Variants in ATAD2 observed in about 807,000 individuals in gnomAD.
ATAD2 encodes ATPase family AAA domain-containing protein 2.
A neutral mutation model predicts 168.9 loss-of-function variants in ATAD2; 62 were observed. The ratio of observed to expected loss-of-function variants is 0.37; its 90% CI spans 0.30 to 0.45. The LOEUF (loss-of-function observed/expected upper bound fraction) is 0.45. Among genes scored for constraint, ATAD2 ranks in the 20% least tolerant of loss-of-function variants. The probability of loss-of-function intolerance (pLI) is 1.00; values close to 1 mark genes in which losing one functional copy is unlikely to be tolerated. For missense variants in ATAD2, 1,419 were observed against 1,667.8 expected (o/e 0.85, Z 2.60); for synonymous variants, 613 against 571.6 (o/e 1.07, Z -1.03).
At chr8:123,397,788 G>C (rs1812924303), upstream of ATAD2, among the ~76,000 whole-genome samples, 1 of 152,104 alleles carries the variant, frequency 6.6e-6, no homozygotes, top group South Asian at 2.1e-4. Flanking sequence ...AAGCATTACA[G>C]AGAAATATAA....
intron 2 of ATAD2, among the ~76,000 whole-genome samples, chr8:123,376,083 C>A (rs541951808): frequency 6.7e-6 from 1 of 149,412 alleles, no homozygotes; most frequent in Non-Finnish European, 1.5e-5. Context: ...CCAGCCTGGG[C>A]GACAGAGCAA....
In ATAD2 at chr8:123,336,373, C is replaced by T; in HGVS notation, c.3211G>A (p.Asp1071Asn). 6.3e-7 allele frequency: 1 copy of T among 1,576,400 alleles called. No individual in the cohort carries two copies. The highest frequency in any genetic ancestry group is 2.3e-5 in the East Asian group (1 of 43,154). ...LEYNPDRDPG[D>N]RLIRHRACAL... ...TGAAAAAAAATTCACTAATGCTCAC[C>T]TCCAGGATCTCTATCTGGATTGTAT... is the stretch of plus-strand genomic sequence containing the variant. The change falls in exon 22 of 28, where the codon GAT (aspartate) becomes AAT (asparagine). Residue 1071 changes from aspartate (D) to asparagine (N), a missense_variant and splice_region_variant. Asp to Asn is a conservative substitution (Grantham distance 23, BLOSUM62 1). This residue lies in a region of ATAD2 where 545 missense variants were observed against 724.9 expected (regional missense o/e 0.75). Coordinates refer to ENST00000287394, the MANE Select transcript of ATAD2 (RefSeq NM_014109.4).
chr8:123,325,327 G>A (rs755668444), intron 26 of ATAD2, among the ~76,000 whole-genome samples: 2 of 150,692 alleles, frequency 1.3e-5, no homozygotes, highest in Non-Finnish European at 2.9e-5. Flanking sequence ...CTATCGCCCA[G>A]GCTGGAGTGC....
chr8:123,415,167 G>GT (rs879883089), intron 1 of ATAD2, among the ~76,000 whole-genome samples: 2 of 152,142 alleles, frequency 1.3e-5, no homozygotes, highest in Non-Finnish European at 2.9e-5. Context: ...ATGATGCTTA[G>GT]TTTCGCTGGA....
In ATAD2 at chr8:123,378,701, C is replaced by CAAAAAAAAAAAA. The variant is rs71808201; in HGVS notation, c.320+1816_320+1827dup. The stretch of plus-strand genomic sequence containing the variant: ...TGGGCAACAGAGCAAGACTGTGTCT[C>CAAAAAAAAAAAA]AAAAAAAAAAAAAAAAAAAAAAAAT... On this transcript the variant is annotated intron_variant, in intron 2 of 27. Transcript: ENST00000287394. Among the ~76,000 whole-genome samples the CAAAAAAAAAAAA allele has an allele frequency of 1.4e-3, 103 of 73,042 alleles. 4 individuals are homozygous for CAAAAAAAAAAAA. Among genetic ancestry groups the CAAAAAAAAAAAA allele is most frequent in the African/African-American group, 5.6e-3 (97 of 17,178 alleles). 47.9% of individuals were successfully genotyped at this position (73,042 alleles called of 152,430 possible). A position where few individuals can be genotyped will look rare whatever the true frequency, so the allele number is the denominator to read the frequency against.
At chr8:123,381,728 C>CAAACA (rs922078066) in intron 1 of ATAD2, among the ~76,000 whole-genome samples, 3 of 152,062 alleles carry the variant, frequency 2.0e-5, no homozygotes, top group South Asian at 2.1e-4. Flanking sequence ...ATCTAAAATA[C>CAAACA]AAACAAAACA....
intron 1 of ATAD2, among the ~76,000 whole-genome samples, chr8:123,408,664 C>T (rs1813103921): frequency 6.6e-6 from 1 of 152,012 alleles, no homozygotes. Context: ...TTACAGGCGC[C>T]TGCCACCATG....
chr8:123,343,159 A>G (rs1393732484), intron 19 of ATAD2, among the ~76,000 whole-genome samples: 1 of 151,978 alleles, frequency 6.6e-6, no homozygotes, highest in African/African-American at 2.4e-5. Context: ...TAATTTTTGT[A>G]GAGACAAGGT....
chr8:123,391,255 G>A (rs1247561510), intron 1 of ATAD2, among the ~76,000 whole-genome samples: 1 of 151,602 alleles, frequency 6.6e-6, no homozygotes, highest in East Asian at 1.9e-4. Flanking sequence ...TTGGTAGGAT[G>A]AAAATAGAAG....
At position 123,402,298 on chromosome 8, in the gene ATAD2, GCTCC is replaced by G. The variant is rs1391304755; in HGVS notation, c.-2281-1127_-2281-1124del. ...GGGCATCCCCTGCAGAGTCAGGACT[GCTCC>G]CTGGGCCAGGCTGCCCTGGGAGGCC... is the stretch of plus-strand genomic sequence containing the variant. On this transcript the variant is annotated intron_variant, in intron 1 of 28. Transcript: ENST00000521903. This position sits in a 1 kb window ranked among gnomAD's most constrained non-coding sequence, Gnocchi z 4.8. Among the ~76,000 whole-genome samples, 1 of 152,132 alleles carries G rather than the reference GCTCC, an allele frequency of 6.6e-6. No homozygotes were observed. Among genetic ancestry groups the G allele is most frequent in the Non-Finnish European group, 1.5e-5 (1 of 67,976 alleles).
At position 123,334,273 on chromosome 8, in the gene ATAD2, G is replaced by A. The variant is rs1429516493; in HGVS notation, c.3261C>T (p.Ala1087=). Residue 1087 remains alanine, a synonymous_variant, in exon 23 of 28, where the codon GCC becomes GCT. Transcript: ENST00000287394. ...RACALRDTAY[A]IIKEELDEDF... is the part of the protein sequence containing the mutation. The stretch of plus-strand genomic sequence containing the variant: ...CTTCATCAAGTTCTTCTTTAATTAT[G>A]GCATAGGCAGTATCTCTTAAAGCAC... 3.1e-6 allele frequency: 5 copies of A among 1,600,462 alleles called. No individual in the cohort carries two copies. The African/African-American group carries it at 5.4e-5, about 17-fold the overall frequency.
At chr8:123,400,656 C>T (rs753517225), upstream of ATAD2, 9 of 703,140 alleles carry the variant, frequency 1.3e-5, no homozygotes, top group South Asian at 2.8e-5. This position sits in a 1 kb window ranked among gnomAD's most constrained non-coding sequence, Gnocchi z 4.5. Context: ...TCGCCAGAGC[C>T]GACAGCCTCA....
intron 12 of ATAD2, 44 bp downstream of exon 12, chr8:123,357,518 T>G: frequency 6.5e-7 from 1 of 1,528,602 alleles, no homozygotes; most frequent in Non-Finnish European, 8.8e-7. Context: ...CACATCTGCC[T>G]AGATTACAGA....
At chr8:123,408,766 C>T (rs1332498814) in intron 1 of ATAD2, among the ~76,000 whole-genome samples, 1 of 152,200 alleles carries the variant, frequency 6.6e-6, no homozygotes, top group Admixed American at 6.5e-5. Flanking sequence ...ATTCACTCGC[C>T]TCGGCCTCCC....
rs1034369496 is a variant in ATAD2, at chr8:123,377,034, T to C, written c.320+3495A>G. ...TGAAGCCAGGGGGCGGAGGTTGCAGTGAGCCACGATTGCGCCACTGCACTC... is the reference window on the plus strand; with the variant it reads ...TGAAGCCAGGGGGCGGAGGTTGCAGCGAGCCACGATTGCGCCACTGCACTC... On this transcript the variant is annotated intron_variant, in intron 2 of 27. Transcript: ENST00000287394. Among the ~76,000 whole-genome samples the C allele has an allele frequency of 2.2e-5, 3 of 137,526 alleles. No individual in the cohort carries two copies. In the Admixed American group the frequency reaches 2.4e-4, roughly 11 times the overall value. 90.2% of individuals were successfully genotyped at this position (137,526 alleles called of 152,430 possible).
rs869048943 is a variant in ATAD2, at chr8:123,321,987, C to CTTTTTTTTTTTTTTTTTT, written c.4132-813_4132-812insAAAAAAAAAAAAAAAAAA. On this transcript the variant is annotated intron_variant, in intron 27 of 27. Coordinates refer to ENST00000287394, the MANE Select transcript of ATAD2 (RefSeq NM_014109.4). ...ATAAAGGAAGATTAAGTACATAAGT[C>CTTTTTTTTTTTTTTTTTT]TTTTTTTTTTTTTTTTGTCATACAG... Among the ~76,000 whole-genome samples the CTTTTTTTTTTTTTTTTTT allele has an allele frequency of 4.4e-5, 6 of 136,468 alleles. 1 individual carries two copies. The highest frequency in any genetic ancestry group is 1.7e-4 in the African/African-American group (6 of 35,126). 89.5% of individuals were successfully genotyped at this position (136,468 alleles called of 152,430 possible). A position where few individuals can be genotyped will look rare whatever the true frequency, so the allele number is the denominator to read the frequency against.
intron 9 of ATAD2, 140 bp downstream of exon 9, chr8:123,361,399 C>A: frequency 1.9e-6 from 1 of 531,956 alleles, no homozygotes; most frequent in East Asian, 3.0e-5. Flanking sequence ...TCTAACAAGA[C>A]AGCATTCTAG....
chr8:123,332,259 G>C (rs1300282150), intron 24 of ATAD2, among the ~76,000 whole-genome samples: 1 of 151,948 alleles, frequency 6.6e-6, no homozygotes, highest in Non-Finnish European at 1.5e-5. Context: ...CACATATGTG[G>C]ACCTGTGTAC....
chr8:123,404,843 C>T (rs572978042), intron 1 of ATAD2, among the ~76,000 whole-genome samples: 14 of 152,128 alleles, frequency 9.2e-5, no homozygotes, highest in Admixed American at 4.6e-4. Flanking sequence ...CCCAGCCCCC[C>T]CTTTCTCTCA....
Sources: allele counts gnomAD v4.1 joint callset (sites outside exome capture counted in the v4.1 genomes callset), GRCh38; gene constraint gnomAD v4.1.1; regional missense constraint gnomAD v4.1.1; non-coding constraint Gnocchi (gnomAD v3.1); transcripts MANE v1.5; gene names NCBI Gene and HGNC (gene_info 2026-07-23, HGNC 2026-07-21).